GPC6: variants seen among roughly 807,000 people sequenced by gnomAD.
GPC6 encodes the protein glypican-6.
Under a neutral mutation model 55.2 loss-of-function variants are expected in GPC6, and 14 were observed. The ratio of observed to expected loss-of-function variants is 0.25; its 90% CI spans 0.17 to 0.40. The LOEUF is 0.40. GPC6 is among the 10% of genes least tolerant of loss of function. GPC6 has a pLI of 1.00. For synonymous variants in GPC6, 278 were observed against 259.6 expected (o/e 1.07, Z -0.68); for missense variants, 641 against 708.5 (o/e 0.90, Z 1.08).
chr13:93,964,046 AC>A (rs1879907826), intron 3 of GPC6, among the ~76,000 whole-genome samples: 1 of 151,194 alleles, frequency 6.6e-6, no homozygotes, highest in Non-Finnish European at 1.5e-5. Flanking sequence ...CTTTTCCTCC[AC>A]CTCCCCCCAC....
chr13:93,434,256 C>T (rs1045132953), intron 1 of GPC6, among the ~76,000 whole-genome samples: 4 of 152,142 alleles, frequency 2.6e-5, no homozygotes, highest in South Asian at 4.1e-4. Flanking sequence ...TATGTTGTTT[C>T]GGTTCAGCTA....
At chr13:93,494,714 G>A (rs980326786) in intron 1 of GPC6, among the ~76,000 whole-genome samples, 16 of 151,924 alleles carry the variant, frequency 1.1e-4, no homozygotes, top group Middle Eastern at 6.8e-3. Context: ...TTCAGGGCAG[G>A]CCTGGTGGTG....
intron 6 of GPC6, among the ~76,000 whole-genome samples, chr13:94,332,105 G>T (rs918513133): frequency 6.6e-6 from 1 of 152,128 alleles, no homozygotes. Flanking sequence ...CCCCGAACAG[G>T]TTCTAGAAAC....
At chr13:94,003,175 T>C (rs1055024768) in intron 3 of GPC6, among the ~76,000 whole-genome samples, 1 of 152,172 alleles carries the variant, frequency 6.6e-6, no homozygotes, top group Non-Finnish European at 1.5e-5. Context: ...TTCTCCAATG[T>C]TGGCAACTCC....
chr13:94,105,216 G>T lies in GPC6; in HGVS notation c.877+77322G>T, dbSNP rs541106932. On this transcript the variant is annotated intron_variant, in intron 4 of 8. Transcript: ENST00000377047. ...CAAAAAATAAATTTAAAAATTATCT[G>T]GATGTAGTTTGTTGCACCTGCAGTC... 1.1e-4 allele frequency among the ~76,000 whole-genome samples: 17 copies of T among 152,140 alleles called. No homozygotes were observed. The South Asian group carries it at 3.1e-3, about 28-fold the overall frequency.
intron 4 of GPC6, among the ~76,000 whole-genome samples, chr13:94,209,047 A>G (rs1226593313): frequency 2.6e-5 from 4 of 152,010 alleles, no homozygotes; most frequent in African/African-American, 7.3e-5. Flanking sequence ...TAATTTGTCT[A>G]TTATGTTTAA....
At chr13:93,675,940 A>G (rs752057730) in intron 2 of GPC6, among the ~76,000 whole-genome samples, 2 of 151,688 alleles carry the variant, frequency 1.3e-5, no homozygotes, top group Non-Finnish European at 2.9e-5. Context: ...ATACCAAAGC[A>G]GGTCAAAGTA....
intron 5 of GPC6, among the ~76,000 whole-genome samples, chr13:94,299,719 T>A (rs1316471726): frequency 6.6e-6 from 1 of 152,212 alleles, no homozygotes; most frequent in Admixed American, 6.5e-5. Context: ...AAGAAATAAA[T>A]TTCTGTTGTT....
chr13:93,812,144 G>C (rs1184242092), intron 2 of GPC6, among the ~76,000 whole-genome samples: 1 of 50,768 alleles, frequency 2.0e-5, no homozygotes, highest in South Asian at 6.8e-4. Context: ...CAAGGCGGTG[G>C]GGGGGGGGGC....
chr13:94,054,959 TA>T (rs1216841773), intron 4 of GPC6, among the ~76,000 whole-genome samples: 2 of 142,498 alleles, frequency 1.4e-5, no homozygotes, highest in Non-Finnish European at 2.9e-5. Flanking sequence ...CATCCACACC[TA>T]AAAAAATCCC....
At chr13:93,490,513 A>AG (rs1555304764) in intron 1 of GPC6, among the ~76,000 whole-genome samples, 13 of 9,460 alleles carry the variant, frequency 1.4e-3, no homozygotes, top group Non-Finnish European at 2.5e-3. Context: ...TTTTTTTTTG[A>AG]GTTTTTTTTT....
chr13:94,093,315 C>G (rs1279649248), intron 4 of GPC6, among the ~76,000 whole-genome samples: 13 of 151,960 alleles, frequency 8.6e-5, no homozygotes, highest in Admixed American at 8.5e-4. Context: ...ATGGTCCAAA[C>G]TGCATATGGA....
At chr13:93,372,713 C>T (rs1212228416) in intron 1 of GPC6, among the ~76,000 whole-genome samples, 1 of 152,102 alleles carries the variant, frequency 6.6e-6, no homozygotes, top group African/African-American at 2.4e-5. Flanking sequence ...GCAATATTTT[C>T]TATACAATTA....
In GPC6 at chr13:93,491,772, T is replaced by C. The variant is rs1454676170; in HGVS notation, c.161-53491T>C. Among the ~76,000 whole-genome samples the C allele has an allele frequency of 5.4e-5, 7 of 129,540 alleles. 1 individual carries two copies. Among genetic ancestry groups the C allele is most frequent in the South Asian group, 2.7e-4 (1 of 3,702 alleles). 85.0% of individuals were successfully genotyped at this position (129,540 alleles called of 152,430 possible). ...AGTTTTCCCAGCACCATTTATTAAA[T>C]AGGGAATCCTTTCCCCATTGCTTAT... On this transcript the variant is annotated intron_variant, in intron 1 of 8. Transcript: ENST00000377047.
At chr13:93,378,296 C>G (rs1875007566) in intron 1 of GPC6, among the ~76,000 whole-genome samples, 1 of 152,144 alleles carries the variant, frequency 6.6e-6, no homozygotes, top group African/African-American at 2.4e-5. Context: ...TAGCTCCAAA[C>G]TGACATATTT....
intron 1 of GPC6, among the ~76,000 whole-genome samples, chr13:93,491,996 C>G (rs1020254301): frequency 7.4e-6 from 1 of 135,608 alleles, no homozygotes; most frequent in Admixed American, 7.5e-5. Flanking sequence ...ATTGACTTGG[C>G]GATGCGGTCT....
At chr13:93,593,458 T>C (rs1262285092) in intron 2 of GPC6, among the ~76,000 whole-genome samples, 1 of 152,168 alleles carries the variant, frequency 6.6e-6, no homozygotes, top group Admixed American at 6.5e-5. Flanking sequence ...GCTTCAATTA[T>C]TTGTTGAATG....
chr13:93,919,520 A>G (rs932224690), intron 3 of GPC6, among the ~76,000 whole-genome samples: 1 of 152,170 alleles, frequency 6.6e-6, no homozygotes, highest in Admixed American at 6.5e-5. Context: ...TCCTTTCATA[A>G]AAATGTCAGA....
intron 6 of GPC6, among the ~76,000 whole-genome samples, chr13:94,372,240 C>T (rs920509709): frequency 3.3e-5 from 5 of 152,210 alleles, no homozygotes; most frequent in African/African-American, 1.2e-4. Flanking sequence ...CAGCTCCAGT[C>T]TACAGCTCCC....
Sources: allele counts gnomAD v4.1 joint callset (sites outside exome capture counted in the v4.1 genomes callset), GRCh38; gene constraint gnomAD v4.1.1; transcripts MANE v1.5; gene names NCBI Gene and HGNC (gene_info 2026-07-23, HGNC 2026-07-21).